The following GOLGA4 variants were observed in gnomAD, a reference collection of about 807,000 sequenced individuals.
GOLGA4 encodes golgin subfamily A member 4.
In GOLGA4, 169 loss-of-function variants were observed where a neutral mutation model predicts 265.9. That is an observed-to-expected ratio of 0.64 (90% CI 0.56 to 0.72). The LOEUF (loss-of-function observed/expected upper bound fraction) is 0.72, where lower values mean the gene tolerates loss of function less well. Among genes scored for constraint, GOLGA4 ranks in the 30% least tolerant of loss-of-function variants. The pLI, the probability that GOLGA4 is intolerant of heterozygous loss-of-function variation, is 0.00. For missense variants in GOLGA4, 2,482 were observed against 2,483.4 expected (o/e 1.00, Z 0.01); for synonymous variants, 923 against 855.8 (o/e 1.08, Z -1.37).
At chr3:37,311,744 CT>C (rs1162746640) in intron 10 of GOLGA4, among the ~76,000 whole-genome samples, 1 of 152,160 alleles carries the variant, frequency 6.6e-6, no homozygotes, top group African/African-American at 2.4e-5. Flanking sequence ...ATCCATCCTA[CT>C]TTCATTGTTG....
At chr3:37,254,550 C>T (rs2096743151) in intron 2 of GOLGA4, among the ~76,000 whole-genome samples, 1 of 150,008 alleles carries the variant, frequency 6.7e-6, no homozygotes, top group African/African-American at 2.5e-5. Flanking sequence ...TTTAAAGTCG[C>T]CAGGCTGGAG....
At chr3:37,280,305 A>C (rs1267738344) in intron 2 of GOLGA4, among the ~76,000 whole-genome samples, 1 of 152,232 alleles carries the variant, frequency 6.6e-6, no homozygotes. Context: ...GGTGCCAGAC[A>C]ACCATAGATT....
At chr3:37,243,844 A>T (rs2096710306) in intron 1 of GOLGA4, 1 of 570,510 alleles carries the variant, frequency 1.8e-6, no homozygotes, top group Non-Finnish European at 3.1e-6. Context: ...CAATGAGTGG[A>T]TGGGGGTGGC....
Position 37,327,306 on chromosome 3 carries a change from A to C in GOLGA4, c.5420A>C (p.Lys1807Thr), listed in dbSNP as rs2096974722. 23 of 1,613,846 alleles carry C rather than the reference A, an allele frequency of 1.4e-5. No individual in the cohort carries two copies. The highest frequency in any genetic ancestry group is 1.9e-5 in the Non-Finnish European group (23 of 1,179,828). Residue 1807 changes from lysine to threonine, a missense_variant, in exon 14 of 24, where the codon AAA becomes ACA. Physicochemically the swap from Lys to Thr is moderately conservative, Grantham distance 78. Around this residue, in one of 3 missense-constraint regions of GOLGA4, gnomAD observed 942 missense variants for 983.1 expected, o/e 0.96. Coordinates refer to ENST00000361924, the MANE Select transcript of GOLGA4 (RefSeq NM_002078.5). ...LQEELEEKNK[K>T]YSLIVAQHVE... ...GAGGAGCTTGAAGAAAAAAACAAGA[A>C]ATATTCCTTGATAGTAGCCCAGCAT...
rs761886186 is a variant in GOLGA4 at position 37,302,266 on chromosome 3, C to T, written c.1168C>T (p.Arg390Cys). 8 of 1,612,546 alleles carry T rather than the reference C, an allele frequency of 5.0e-6. No homozygotes were observed. Among genetic ancestry groups the T allele is most frequent in the African/African-American group, 2.7e-5 (2 of 74,832 alleles). ...KEEEIAQLRS[R>C]IKQMTTQGEE... ...AGAAGAAATTGCTCAACTCCGTAGTCGCATCAAACAGATGACTACCCAGGG... is the reference window on the plus strand; with the variant it reads ...AGAAGAAATTGCTCAACTCCGTAGTTGCATCAAACAGATGACTACCCAGGG... The change falls in exon 10 of 24, where the codon CGC (arginine) becomes TGC (cysteine). Residue 390 changes from arginine to cysteine, a missense_variant. Arg to Cys is a radical substitution (Grantham distance 180). Transcript: ENST00000361924.
At position 37,325,969 on chromosome 3, in the gene GOLGA4, G is replaced by A. The variant is rs2096969394; in HGVS notation, c.4083G>A (p.Glu1361=). The A allele has an allele frequency of 6.2e-7, 1 of 1,612,076 alleles. No individual in the cohort carries two copies. ...NINAVTLMKE[E]LKEKKVEISS... ...ATGCTGTCACATTGATGAAAGAAGAGCTTAAAGAAAAAAAAGTTGAGATTA... is the reference window on the plus strand; with the variant it reads ...ATGCTGTCACATTGATGAAAGAAGAACTTAAAGAAAAAAAAGTTGAGATTA... The change falls in exon 14 of 24, where the codon GAG becomes GAA. Residue 1361 remains glutamate, a synonymous_variant. Transcript: ENST00000361924.
chr3:37,310,864 T>G (rs2096921373), intron 10 of GOLGA4, among the ~76,000 whole-genome samples: 1 of 152,152 alleles, frequency 6.6e-6, no homozygotes, highest in African/African-American at 2.4e-5. Context: ...TGACTGTGGT[T>G]TTCCCATGCA....
At chr3:37,319,262 A>G (rs1416503608) in intron 12 of GOLGA4, 68 bp downstream of exon 12, 1 of 1,277,154 alleles carries the variant, frequency 7.8e-7, no homozygotes, top group Non-Finnish European at 1.1e-6. Flanking sequence ...TCATCCTCTC[A>G]CTGTTGCATT....
At chr3:37,349,170 G>A (rs775348080) in intron 21 of GOLGA4, among the ~76,000 whole-genome samples, 9 of 152,110 alleles carry the variant, frequency 5.9e-5, no homozygotes, top group Non-Finnish European at 1.2e-4. Flanking sequence ...TTAAGTTGCT[G>A]CACATTTATT....
chr3:37,340,279 C>G (rs1444437564), intron 20 of GOLGA4, 80 bp downstream of exon 20: 6 of 573,600 alleles, frequency 1.0e-5, no homozygotes, highest in Non-Finnish European at 1.8e-5. Context: ...TTTGTTTTTG[C>G]TAATTTATAT....
rs1412685838 is a variant in GOLGA4 at position 37,299,297 on chromosome 3, A to G, written c.1012A>G (p.Met338Val). The G allele has an allele frequency of 3.1e-6, 5 of 1,610,188 alleles. No individual in the cohort carries two copies. The highest frequency in any genetic ancestry group is 1.1e-5 in the South Asian group (1 of 90,858). The change falls in exon 9 of 24, where the codon ATG (methionine) becomes GTG (valine). Residue 338 changes from methionine to valine, a missense_variant. By Grantham distance (21) the Met-to-Val change is conservative. Coordinates refer to ENST00000361924, the MANE Select transcript of GOLGA4 (RefSeq NM_002078.5). ...QELEKIKDLH[M>V]AEKTKLITQL... is the part of the protein sequence containing the mutation. ...TAAAAATTTTTTTTAGGACCTTCAT[A>G]TGGCCGAGAAGACTAAACTTATCAC...
At chr3:37,275,783 C>A in intron 2 of GOLGA4, 1 of 1,613,562 alleles carries the variant, frequency 6.2e-7, no homozygotes, top group African/African-American at 1.3e-5. Flanking sequence ...GCTAAAGGAG[C>A]TTAAGAATAT....
chr3:37,331,241 G>GT (rs2096989200), intron 16 of GOLGA4, among the ~76,000 whole-genome samples: 1 of 152,036 alleles, frequency 6.6e-6, no homozygotes, highest in Non-Finnish European at 1.5e-5. Context: ...AATTCACTGT[G>GT]TTTTTTACAT....
In GOLGA4 at chr3:37,289,235, G is replaced by A. The variant is rs2096858627; in HGVS notation, c.526G>A (p.Gly176Ser). Residue 176 changes from glycine (G) to serine (S), a missense_variant and splice_region_variant, in exon 5 of 24, where the codon GGT becomes AGT. Gly to Ser is a moderately conservative substitution (Grantham distance 56, BLOSUM62 0). Coordinates refer to ENST00000361924, the MANE Select transcript of GOLGA4 (RefSeq NM_002078.5). Reference protein sequence around the residue: ...MLQREKKKLQGILSQSQDKSL... With the variant: ...MLQREKKKLQSILSQSQDKSL... ...GCTTTTTTTTCTCTCTCAATTAAAG[G>A]GTATATTAAGTCAGAGTCAGGATAA... 6.4e-7 allele frequency: 1 copy of A among 1,573,596 alleles called. No homozygotes were observed. Among genetic ancestry groups the A allele is most frequent in the Admixed American group, 1.7e-5 (1 of 57,438 alleles).
intron 10 of GOLGA4, among the ~76,000 whole-genome samples, chr3:37,303,390 TA>T: frequency 6.6e-6 from 1 of 152,192 alleles, no homozygotes; most frequent in East Asian, 1.9e-4. Flanking sequence ...GTAGAATCTG[TA>T]GAATTTGGTA....
At chr3:37,243,905 G>A in intron 1 of GOLGA4, 2 of 466,540 alleles carry the variant, frequency 4.3e-6, no homozygotes, top group South Asian at 6.1e-5. Context: ...CCTAAGGCCA[G>A]AGTCCGAACT....
chr3:37,361,115 T>C, intron 22 of GOLGA4, 128 bp from the exon 23 acceptor site: 3 of 706,820 alleles, frequency 4.2e-6, no homozygotes, highest in Non-Finnish European at 7.7e-6. Flanking sequence ...CACCCTTGAT[T>C]TGGGGAGATT....
Position 37,322,120 on chromosome 3 carries a change from C to T in GOLGA4, c.1701+234C>T, listed in dbSNP as rs185499473. 2.0e-5 allele frequency among the ~76,000 whole-genome samples: 3 copies of T among 152,288 alleles called. No individual in the cohort carries two copies. The East Asian group carries it at 5.8e-4, about 29-fold the overall frequency. ...GCTGGCTGTATTTCTGTCAGCCACTCAGTCTGCTGCTTTTCACTGACCCTG... is the reference window on the plus strand; with the variant it reads ...GCTGGCTGTATTTCTGTCAGCCACTTAGTCTGCTGCTTTTCACTGACCCTG... On this transcript the variant is annotated intron_variant, in intron 13 of 23. Coordinates refer to ENST00000361924, the MANE Select transcript of GOLGA4 (RefSeq NM_002078.5).
chr3:37,344,782 C>T (rs1282788844), intron 20 of GOLGA4, among the ~76,000 whole-genome samples: 1 of 152,160 alleles, frequency 6.6e-6, no homozygotes, highest in East Asian at 1.9e-4. Flanking sequence ...TTAATGCATA[C>T]ATACACATTC....
Sources: allele counts gnomAD v4.1 joint callset (sites outside exome capture counted in the v4.1 genomes callset), GRCh38; gene constraint gnomAD v4.1.1; regional missense constraint gnomAD v4.1.1; transcripts MANE v1.5; gene names NCBI Gene and HGNC (gene_info 2026-07-23, HGNC 2026-07-21).